Variants in LRP1B observed in about 807,000 individuals in gnomAD.
The protein encoded by LRP1B is LDL receptor related protein 1B, also known as low-density lipoprotein receptor-related protein 1B.
In LRP1B, 217 loss-of-function variants were observed where a neutral mutation model predicts 556.6. The observed-to-expected ratio is 0.39, with a 90% CI of 0.35 to 0.44. LRP1B has a LOEUF of 0.44. Ranked by LOEUF, LRP1B falls within the 20% of genes least tolerant of loss-of-function variation. The pLI is 1.00. For missense variants in LRP1B, 5,053 were observed against 5,620.8 expected, an observed-to-expected ratio of 0.90 and a Z score of 3.23; for synonymous variants, 2,047 against 1,865.8, an observed-to-expected ratio of 1.10 and a Z score of -2.50.
At chr2:140,324,452 A>G (rs761186165) in intron 80 of LRP1B, among the ~76,000 whole-genome samples, 2 of 152,096 alleles carry the variant, frequency 1.3e-5, no homozygotes, top group Non-Finnish European at 2.9e-5. Context: ...GATCAAATAA[A>G]TGATCAAATT....
intron 72 of LRP1B, 84 bp downstream of exon 72, chr2:140,364,577 T>A (rs2105150805): frequency 3.3e-6 from 5 of 1,506,386 alleles, no homozygotes; most frequent in Non-Finnish European, 4.5e-6. Context: ...TAATTGGTAG[T>A]TCACCTCCCC....
intron 31 of LRP1B, among the ~76,000 whole-genome samples, chr2:140,818,127 G>T (rs1312568168): frequency 1.7e-4 from 11 of 66,104 alleles, no homozygotes; most frequent in African/African-American, 3.0e-4. Flanking sequence ...TTTAAATTTT[G>T]CTGGAAAGAG....
chr2:140,551,797 G>T (rs1457372687), intron 43 of LRP1B, among the ~76,000 whole-genome samples: 1 of 152,102 alleles, frequency 6.6e-6, no homozygotes, highest in African/African-American at 2.4e-5. Flanking sequence ...ACAAATGAAA[G>T]ACTCCCTAAA....
At chr2:140,361,341 C>CATATATATATATATAT (rs67208978) in intron 72 of LRP1B, among the ~76,000 whole-genome samples, 373 of 30,674 alleles carry the variant, frequency 0.012, 14 homozygotes, top group East Asian at 0.017. Context: ...ACTTGGAAAG[C>CATATATATATATATAT]ATATATATAT....
intron 2 of LRP1B, among the ~76,000 whole-genome samples, chr2:141,523,585 C>G (rs1684597348): frequency 6.6e-6 from 1 of 152,006 alleles, no homozygotes; most frequent in Admixed American, 6.6e-5. Flanking sequence ...CAAACTGCAC[C>G]AAGATAAAAA....
At chr2:140,283,564 A>G (rs1052002522) in intron 84 of LRP1B, among the ~76,000 whole-genome samples, 1 of 144,468 alleles carries the variant, frequency 6.9e-6, no homozygotes, top group Non-Finnish European at 1.6e-5. Flanking sequence ...GATCAGTGAC[A>G]TCTCTAAGTG....
At chr2:141,995,300 C>T (rs903357321) in intron 1 of LRP1B, among the ~76,000 whole-genome samples, 2 of 152,074 alleles carry the variant, frequency 1.3e-5, no homozygotes, top group African/African-American at 4.8e-5. Flanking sequence ...CTACTAGCTG[C>T]CAACTTCTGT....
chr2:141,155,012 G>A (rs1016833609), intron 7 of LRP1B, among the ~76,000 whole-genome samples: 24 of 151,806 alleles, frequency 1.6e-4, no homozygotes, highest in Admixed American at 1.1e-3. Flanking sequence ...GCCTGTAGCA[G>A]TAAAAATAAA....
intron 35 of LRP1B, among the ~76,000 whole-genome samples, chr2:140,747,694 G>C (rs180888174): frequency 5.3e-5 from 8 of 152,166 alleles, no homozygotes; most frequent in Admixed American, 5.2e-4. Flanking sequence ...AATAGGTAAG[G>C]TCTTAAATCT....
intron 1 of LRP1B, among the ~76,000 whole-genome samples, chr2:141,942,231 C>A (rs1318413893): frequency 2.0e-5 from 3 of 152,172 alleles, no homozygotes; most frequent in Admixed American, 1.3e-4. Context: ...CACCACACAT[C>A]TTTTCTCTTT....
At chr2:141,380,580 T>C (rs1014860039) in intron 3 of LRP1B, among the ~76,000 whole-genome samples, 4 of 152,172 alleles carry the variant, frequency 2.6e-5, no homozygotes, top group African/African-American at 9.7e-5. Flanking sequence ...GGGCTTGGAA[T>C]TCATTAGGCC....
chr2:140,816,179 A>T (rs1232921747), intron 31 of LRP1B, among the ~76,000 whole-genome samples: 1 of 151,738 alleles, frequency 6.6e-6, no homozygotes, highest in Non-Finnish European at 1.5e-5. Flanking sequence ...GTGAACTGGC[A>T]TGATCTCGGC....
chr2:141,799,433 C>T (rs1227326115), intron 2 of LRP1B, among the ~76,000 whole-genome samples: 1 of 152,100 alleles, frequency 6.6e-6, no homozygotes, highest in African/African-American at 2.4e-5. Flanking sequence ...GGAGGGGTTG[C>T]ACGCCAAGAC....
intron 2 of LRP1B, among the ~76,000 whole-genome samples, chr2:141,800,871 G>A (rs1424751730): frequency 6.6e-6 from 1 of 152,268 alleles, no homozygotes; most frequent in African/African-American, 2.4e-5. Flanking sequence ...GCTGCTGATT[G>A]ATTGAATGGT....
chr2:141,023,545 T>A (rs1412073782), intron 11 of LRP1B, among the ~76,000 whole-genome samples: 1 of 152,016 alleles, frequency 6.6e-6, no homozygotes, highest in Non-Finnish European at 1.5e-5. Flanking sequence ...GAAAAACATA[T>A]TTCTAAAATG....
intron 41 of LRP1B, among the ~76,000 whole-genome samples, chr2:140,665,394 AT>A (rs1256145568): frequency 2.0e-5 from 3 of 152,190 alleles, no homozygotes; most frequent in Non-Finnish European, 2.9e-5. Flanking sequence ...CTGGTCCAGT[AT>A]TTTTCTACAA....
intron 1 of LRP1B, among the ~76,000 whole-genome samples, chr2:142,064,399 A>G (rs142280101): frequency 2.1e-4 from 32 of 151,708 alleles, no homozygotes; most frequent in African/African-American, 7.7e-4. Context: ...AAATATTTTT[A>G]AATCTAATTA....
At chr2:140,378,044 A>T in intron 68 of LRP1B, 136 bp downstream of exon 68, 1 of 631,664 alleles carries the variant, frequency 1.6e-6, no homozygotes, top group Non-Finnish European at 2.9e-6. Context: ...CAGCACATGG[A>T]TATAATACTT....
chr2:140,569,179 T>C (rs1384666374), intron 43 of LRP1B, among the ~76,000 whole-genome samples: 1 of 151,660 alleles, frequency 6.6e-6, no homozygotes, highest in African/African-American at 2.4e-5. Flanking sequence ...CACAAAACAA[T>C]AAAACAATTT....
Sources: gnomAD v4.1 joint callset for allele counts (sites outside exome capture counted in the v4.1 genomes callset) on GRCh38, gnomAD v4.1.1 for gene constraint, MANE v1.5 for transcripts, NCBI Gene and HGNC (gene_info 2026-07-23, HGNC 2026-07-21) for gene names.